AGBL1: variants seen among roughly 807,000 people sequenced by gnomAD.
AGBL1 encodes cytosolic carboxypeptidase 4.
Under a neutral mutation model 118.9 loss-of-function variants are expected in AGBL1, and 130 were observed. The observed-to-expected ratio is 1.09, with a 90% CI of 0.95 to 1.26. The LOEUF is 1.26. Among genes scored for constraint, AGBL1 ranks in the 50% most tolerant of loss-of-function variants. The pLI is 0.00. For missense variants in AGBL1, 1,584 were observed against 1,298.1 expected (o/e 1.22, Z -3.38); for synonymous variants, 555 against 478.9 (o/e 1.16, Z -2.08).
intron 22 of AGBL1, among the ~76,000 whole-genome samples, chr15:86,760,197 G>A (rs759498732): frequency 6.6e-6 from 1 of 151,878 alleles, no homozygotes; most frequent in East Asian, 1.9e-4. Context: ...CTTTCTTCCC[G>A]GGCTGGGAGA....
intron 21 of AGBL1, among the ~76,000 whole-genome samples, chr15:86,574,964 G>C (rs976675686): frequency 6.6e-6 from 1 of 151,924 alleles, no homozygotes; most frequent in African/African-American, 2.4e-5. Context: ...GCTGAGGCAG[G>C]TGAATCAGAG....
chr15:86,655,618 A>G (rs1393158288), intron 21 of AGBL1, among the ~76,000 whole-genome samples: 2 of 152,172 alleles, frequency 1.3e-5, no homozygotes, highest in Non-Finnish European at 2.9e-5. Flanking sequence ...AAATTCATAT[A>G]TGTTGACAAA....
chr15:86,333,194 A>G (rs1567203628), intron 17 of AGBL1, among the ~76,000 whole-genome samples: 1 of 152,278 alleles, frequency 6.6e-6, no homozygotes, highest in East Asian at 1.9e-4. Flanking sequence ...TCAGAAAAGA[A>G]CTGAACAAAA....
At chr15:86,300,194 T>G (rs2079724095) in intron 17 of AGBL1, among the ~76,000 whole-genome samples, 1 of 152,136 alleles carries the variant, frequency 6.6e-6, no homozygotes. Context: ...ACACACTACT[T>G]AGTGAAGGCT....
At position 86,872,899 on chromosome 15, in the gene AGBL1, A is replaced by C. The variant is rs2141509713; in HGVS notation, c.3159-34188A>C. On this transcript the variant is annotated intron_variant, in intron 22 of 22. Transcript: ENST00000614907. Reference sequence around the variant, plus strand: ...TTATATATACACAGCCAATGTGAAGACACTTATTCTCAAACATGCAAATGT... The same window carrying C: ...TTATATATACACAGCCAATGTGAAGCCACTTATTCTCAAACATGCAAATGT... Among the ~76,000 whole-genome samples, 2 of 152,350 alleles carry C rather than the reference A, an allele frequency of 1.3e-5. 1 individual carries two copies. The highest frequency in any genetic ancestry group is 4.1e-4 in the South Asian group (2 of 4,834).
At chr15:86,824,815 T>C (rs1468160855) in intron 22 of AGBL1, among the ~76,000 whole-genome samples, 2 of 152,094 alleles carry the variant, frequency 1.3e-5, no homozygotes, top group Non-Finnish European at 2.9e-5. Flanking sequence ...CCCAGCACTT[T>C]GGGAGGCCGA....
At chr15:86,943,390 T>C (rs1444997860) in intron 23 of AGBL1, among the ~76,000 whole-genome samples, 3 of 152,144 alleles carry the variant, frequency 2.0e-5, no homozygotes, top group Non-Finnish European at 2.9e-5. Context: ...AAATTTCTAT[T>C]AATTTTGGAA....
At chr15:86,429,532 G>T (rs890546081) in intron 18 of AGBL1, among the ~76,000 whole-genome samples, 4 of 152,196 alleles carry the variant, frequency 2.6e-5, no homozygotes, top group Non-Finnish European at 5.9e-5. Context: ...AAATCTGACA[G>T]GTAGGGCAAC....
chr15:86,513,610 T>C (rs1272955139), intron 18 of AGBL1, among the ~76,000 whole-genome samples: 1 of 152,082 alleles, frequency 6.6e-6, no homozygotes, highest in Non-Finnish European at 1.5e-5. Flanking sequence ...GCTACATTGC[T>C]GATTGTTGCT....
At position 86,497,103 on chromosome 15, in the gene AGBL1, C is replaced by T. The variant is rs140512885; in HGVS notation, c.2556-25707C>T. Among the ~76,000 whole-genome samples the T allele has an allele frequency of 2.2e-3, 334 of 152,104 alleles. 5 individuals are homozygous for T. Among genetic ancestry groups the T allele is most frequent in the African/African-American group, 7.6e-3 (317 of 41,524 alleles). ...AGCTGACTTATCTAGCCATCAAACA[C>T]TCTTTCTCATCTTCTGTGATATTGT... On this transcript the variant is annotated intron_variant, in intron 18 of 22. Coordinates refer to ENST00000614907, the MANE Select transcript of AGBL1 (RefSeq NM_001386094.1).
chr15:86,578,874 G>T (rs1413918203), intron 21 of AGBL1, among the ~76,000 whole-genome samples: 1 of 152,148 alleles, frequency 6.6e-6, no homozygotes, highest in African/African-American at 2.4e-5. Flanking sequence ...AAATTGCTCA[G>T]TCTCGGGTAT....
intron 22 of AGBL1, among the ~76,000 whole-genome samples, chr15:86,766,294 C>G (rs2078096238): frequency 6.6e-6 from 1 of 151,806 alleles, no homozygotes; most frequent in African/African-American, 2.4e-5. Context: ...ATGTTTAATG[C>G]AATTTACAAT....
intron 22 of AGBL1, among the ~76,000 whole-genome samples, chr15:86,880,678 TGTGA>T (rs1567221471): frequency 6.6e-6 from 1 of 152,036 alleles, no homozygotes; most frequent in Non-Finnish European, 1.5e-5. Context: ...TGGGTGTGGA[TGTGA>T]GTGTGTACAT....
At position 86,554,511 on chromosome 15, in the gene AGBL1, T is replaced by C; in HGVS notation, c.2968T>C (p.Cys990Arg). The change falls in exon 21 of 23, where the codon TGT (cysteine) becomes CGT (arginine). Residue 990 changes from cysteine (C) to arginine (R), a missense_variant. Cys to Arg is a radical substitution (Grantham distance 180). Coordinates refer to ENST00000614907, the MANE Select transcript of AGBL1 (RefSeq NM_001386094.1). ...SRSYTMESSY[C>R]GCNQGPYQGL... ...AAGCTACACCATGGAAAGCAGCTAC[T>C]GTGGCTGCAACCAGGGCCCTTATCA... The C allele has an allele frequency of 6.4e-7, 1 of 1,556,782 alleles. No individual in the cohort carries two copies. Among genetic ancestry groups the C allele is most frequent in the East Asian group, 2.4e-5 (1 of 42,396 alleles).
chr15:86,169,801 T>C (rs1421469417), intron 5 of AGBL1, among the ~76,000 whole-genome samples: 1 of 152,196 alleles, frequency 6.6e-6, no homozygotes. Context: ...GAGCTGACTG[T>C]TGTTACCTCT....
intron 18 of AGBL1, among the ~76,000 whole-genome samples, chr15:86,438,657 C>CTTTTTTTTTTTTTTTTTTTTTTT (rs35937855): frequency 2.3e-5 from 3 of 131,622 alleles, no homozygotes; most frequent in Non-Finnish European, 1.6e-5. Context: ...TAATCTGTCT[C>CTTTTTTTTTTTTTTTTTTTTTTT]TTTTTTTTTT....
Position 86,374,625 on chromosome 15 carries a change from A to G in AGBL1, c.2375-22741A>G, listed in dbSNP as rs145995098. Among the ~76,000 whole-genome samples the G allele has an allele frequency of 2.0e-4, 30 of 152,356 alleles. No individual in the cohort carries two copies. The East Asian group carries it at 5.6e-3, about 28-fold the overall frequency. Reference sequence around the variant, plus strand: ...TAAAACCCATAAATTGAGGATCATCAGTCAAACACTTGCCTCATGCATCTA... The same window carrying G: ...TAAAACCCATAAATTGAGGATCATCGGTCAAACACTTGCCTCATGCATCTA... On this transcript the variant is annotated intron_variant, in intron 17 of 22. Transcript: ENST00000614907.
intron 22 of AGBL1, among the ~76,000 whole-genome samples, chr15:86,743,459 G>T (rs1412168168): frequency 2.0e-5 from 3 of 152,060 alleles, no homozygotes; most frequent in Admixed American, 2.0e-4. Context: ...CTCTTAGTAG[G>T]CTGAGCTTCT....
At chr15:86,549,183 G>A (rs115098947) in intron 20 of AGBL1, among the ~76,000 whole-genome samples, 148 of 152,096 alleles carry the variant, frequency 9.7e-4, no homozygotes, top group African/African-American at 3.2e-3. Flanking sequence ...AAACTATATC[G>A]TATGGATTAT....
Sources: allele counts gnomAD v4.1 joint callset (sites outside exome capture counted in the v4.1 genomes callset), GRCh38; gene constraint gnomAD v4.1.1; transcripts MANE v1.5; gene names NCBI Gene and HGNC (gene_info 2026-07-23, HGNC 2026-07-21).